HIP1: variants seen among roughly 807,000 people sequenced by gnomAD.
HIP1 encodes huntingtin interacting protein 1.
In HIP1, 65 loss-of-function variants were observed where a neutral mutation model predicts 147.6. That is an observed-to-expected ratio of 0.44 (90% CI 0.36 to 0.54). HIP1 has a LOEUF of 0.54. Ranked by LOEUF, HIP1 falls within the 20% of genes least tolerant of loss-of-function variation. The pLI, the probability that HIP1 is intolerant of heterozygous loss-of-function variation, is 0.00. For synonymous variants in HIP1, 479 were observed against 504.0 expected, an observed-to-expected ratio of 0.95 and a Z score of 0.67; for missense variants, 1,061 against 1,299.6, an observed-to-expected ratio of 0.82 and a Z score of 2.82.
At chr7:75,652,337 T>G (rs1294956109) in intron 1 of HIP1, among the ~76,000 whole-genome samples, 1 of 150,700 alleles carries the variant, frequency 6.6e-6, no homozygotes, top group South Asian at 2.1e-4. Context: ...AAAACCACTA[T>G]ATGTATGTTA....
intron 1 of HIP1, among the ~76,000 whole-genome samples, chr7:75,644,862 T>A (rs1798755306): frequency 6.6e-6 from 1 of 152,204 alleles, no homozygotes; most frequent in African/African-American, 2.4e-5. Context: ...TCCTGGTGGC[T>A]CTGGCACAGA....
At chr7:75,691,022 G>A (rs181275975) in intron 1 of HIP1, among the ~76,000 whole-genome samples, 9 of 152,252 alleles carry the variant, frequency 5.9e-5, no homozygotes, top group East Asian at 5.8e-4. Flanking sequence ...AATGTGGATC[G>A]GCAGATGAAA....
At chr7:75,735,383 C>T (rs1554523525) in intron 1 of HIP1, among the ~76,000 whole-genome samples, 1 of 152,154 alleles carries the variant, frequency 6.6e-6, no homozygotes, top group African/African-American at 2.4e-5. Flanking sequence ...TGGCTGATAC[C>T]CACCTCATCC....
intron 8 of HIP1, among the ~76,000 whole-genome samples, chr7:75,572,827 G>A (rs1172639109): frequency 6.6e-6 from 1 of 152,110 alleles, no homozygotes; most frequent in Non-Finnish European, 1.5e-5. Context: ...TGGCAGCCCT[G>A]CTGCCCCGCA....
At chr7:75,728,455 T>TG (rs1801722442) in intron 1 of HIP1, among the ~76,000 whole-genome samples, 1 of 152,196 alleles carries the variant, frequency 6.6e-6, no homozygotes, top group Admixed American at 6.6e-5. Flanking sequence ...CCCTCCTTGA[T>TG]GCAGGAGGAG....
chr7:75,655,735 T>A (rs1248741226), intron 1 of HIP1, among the ~76,000 whole-genome samples: 2 of 152,134 alleles, frequency 1.3e-5, no homozygotes, highest in African/African-American at 2.4e-5. Context: ...GAGTAAGAGT[T>A]TCTGTTCGGG....
intron 1 of HIP1, among the ~76,000 whole-genome samples, chr7:75,737,296 A>G (rs1205052891): frequency 1.3e-5 from 2 of 151,972 alleles, no homozygotes; most frequent in Non-Finnish European, 2.9e-5. Context: ...GGTTTTCAGA[A>G]TAAGAAGAGG....
chr7:75,538,958 G>A (rs1049699593), intron 30 of HIP1, among the ~76,000 whole-genome samples: 1 of 152,128 alleles, frequency 6.6e-6, no homozygotes, highest in African/African-American at 2.4e-5. Context: ...ACTTGTCCCT[G>A]TCTGCCAGAT....
chr7:75,589,877 C>G (rs1354628637), intron 4 of HIP1, among the ~76,000 whole-genome samples: 1 of 151,610 alleles, frequency 6.6e-6, no homozygotes, highest in Non-Finnish European at 1.5e-5. Flanking sequence ...ACTACAGGCA[C>G]CCACCACCAC....
chr7:75,600,043 T>C (rs781999665), intron 1 of HIP1, among the ~76,000 whole-genome samples: 1 of 151,598 alleles, frequency 6.6e-6, no homozygotes, highest in Admixed American at 6.6e-5. Flanking sequence ...ACCATGTTGG[T>C]TGGCCAGGCT....
In HIP1 at chr7:75,618,700, G is replaced by A. The variant is rs1797747413; in HGVS notation, c.121-19453C>T. Among the ~76,000 whole-genome samples, 5 of 152,212 alleles carry A rather than the reference G, an allele frequency of 3.3e-5. No individual in the cohort carries two copies. The South Asian group carries it at 1.0e-3, about 32-fold the overall frequency. On this transcript the variant is annotated intron_variant, in intron 1 of 30. Transcript: ENST00000336926. ...AAGGTGGGTGATGCCTGACTTACAG[G>A]AGATCCCCCAGCACGGGAACCATCC... is the stretch of plus-strand genomic sequence containing the variant.
At chr7:75,723,285 T>A (rs1291166823) in intron 1 of HIP1, among the ~76,000 whole-genome samples, 3 of 151,918 alleles carry the variant, frequency 2.0e-5, no homozygotes, top group African/African-American at 7.3e-5. Context: ...GGCAGGAGAA[T>A]CCCTTGAACC....
chr7:75,602,979 A>ACTCC (rs1797063722), intron 1 of HIP1, among the ~76,000 whole-genome samples: 1 of 152,012 alleles, frequency 6.6e-6, no homozygotes, highest in African/African-American at 2.4e-5. Context: ...GCTGCATGAA[A>ACTCC]TGAGACAGAG....
chr7:75,711,388 C>G (rs1801160928), intron 1 of HIP1, among the ~76,000 whole-genome samples: 1 of 151,936 alleles, frequency 6.6e-6, no homozygotes, highest in Non-Finnish European at 1.5e-5. Context: ...AAAATCTTGG[C>G]TATAACAAAG....
At chr7:75,723,949 T>TAG (rs113160173) in intron 1 of HIP1, among the ~76,000 whole-genome samples, 138 of 141,366 alleles carry the variant, frequency 9.8e-4, no homozygotes, top group South Asian at 8.4e-3. Flanking sequence ...TATATATATA[T>TAG]AGAGAGAGAG....
chr7:75,596,692 C>A (rs1179840489), intron 2 of HIP1, among the ~76,000 whole-genome samples: 1 of 152,130 alleles, frequency 6.6e-6, no homozygotes, highest in African/African-American at 2.4e-5. Flanking sequence ...GGCCTGAAAT[C>A]TTCTTTGTCC....
intron 1 of HIP1, chr7:75,639,075 G>A: frequency 1.0e-6 from 1 of 984,814 alleles, no homozygotes; most frequent in Non-Finnish European, 1.2e-6. Context: ...CCATGACCGA[G>A]GCTGCGGGGC....
intron 8 of HIP1, 71 bp downstream of exon 8, chr7:75,573,690 G>C: frequency 6.7e-7 from 1 of 1,487,614 alleles, no homozygotes; most frequent in Non-Finnish European, 9.3e-7. Context: ...GTTTCTCTGG[G>C]GACATCCTCA....
chr7:75,671,533 A>C (rs1416926330), intron 1 of HIP1, among the ~76,000 whole-genome samples: 1 of 152,172 alleles, frequency 6.6e-6, no homozygotes, highest in African/African-American at 2.4e-5. Flanking sequence ...GTGGATGTAC[A>C]AATATCTCTT....
Sources: allele counts gnomAD v4.1 joint callset (sites outside exome capture counted in the v4.1 genomes callset), GRCh38; gene constraint gnomAD v4.1.1; transcripts MANE v1.5; gene names NCBI Gene and HGNC (gene_info 2026-07-23, HGNC 2026-07-21).